Variants in MATK observed in about 807,000 individuals in gnomAD.
The protein encoded by MATK is megakaryocyte-associated tyrosine kinase.
In MATK, 41 loss-of-function variants were observed where a neutral mutation model predicts 59.8. The observed-to-expected ratio is 0.69, with a 90% confidence interval of 0.53 to 0.89. The LOEUF is 0.89. Ranked by LOEUF, MATK falls within the 40% of genes least tolerant of loss-of-function variation. The probability of loss-of-function intolerance (pLI) is 0.00; values close to 1 mark genes in which losing one functional copy is unlikely to be tolerated. For synonymous variants in MATK, 308 were observed against 306.1 expected, an observed-to-expected ratio of 1.01 and a Z score of -0.06; for missense variants, 593 against 719.6, an observed-to-expected ratio of 0.82 and a Z score of 2.01.
At chr19:3,779,507 C>CT (rs1324379685) in intron 10 of MATK, 26 bp downstream of exon 10, 14 of 1,610,562 alleles carry the variant, frequency 8.7e-6, no homozygotes, top group Admixed American at 5.0e-5. Flanking sequence ...TGCGTGGGCC[C>CT]CCTCCCCGCC....
chr19:3,788,105 ATAT>A (rs1338559485), upstream of MATK, among the ~76,000 whole-genome samples: 2 of 130,338 alleles, frequency 1.5e-5, no homozygotes, highest in Non-Finnish European at 3.2e-5. Flanking sequence ...TATTTATATT[ATAT>A]TATATTATAT....
chr19:3,795,391 A>G (rs1472644274), intron 1 of MATK, among the ~76,000 whole-genome samples: 1 of 137,152 alleles, frequency 7.3e-6, no homozygotes, highest in Non-Finnish European at 1.6e-5. Context: ...TCATGTCTCA[A>G]CCTCCCAAGT....
chr19:3,779,316 T>C (rs1599193506), intron 11 of MATK, 62 bp downstream of exon 11: 2 of 1,593,834 alleles, frequency 1.3e-6, no homozygotes, highest in South Asian at 2.2e-5. Flanking sequence ...TTCCCCTTGA[T>C]GGATCTTGGA....
chr19:3,780,547 C>T (rs1599195469), intron 8 of MATK, among the ~76,000 whole-genome samples: 2 of 150,954 alleles, frequency 1.3e-5, no homozygotes, highest in Non-Finnish European at 2.9e-5. Context: ...CTGCCTCAGC[C>T]TCCCAAGTAG....
intron 1 of MATK, among the ~76,000 whole-genome samples, chr19:3,796,246 G>A (rs1599208794): frequency 6.6e-6 from 1 of 152,260 alleles, no homozygotes; most frequent in South Asian, 2.1e-4. Context: ...TTTACTGTGT[G>A]CTGAAGACAA....
In MATK at chr19:3,779,655, A is replaced by ACCC. The variant is rs2066771; in HGVS notation, c.842+40_843-39dup. The ACCC allele has an allele frequency of 1.2e-5, 19 of 1,604,608 alleles. No homozygotes were observed. In the African/African-American group the frequency reaches 2.6e-4, roughly 22 times the overall value. Reference sequence around the variant, plus strand: ...GGGTGGGCGTGAGGGCAGGGCTGGGACCCCCCCCGTCCCACGGTCCCCAGC... The same window carrying ACCC: ...GGGTGGGCGTGAGGGCAGGGCTGGGACCCCCCCCCCCGTCCCACGGTCCCCAGC... On this transcript the variant is annotated intron_variant, in intron 9 of 13. Transcript: ENST00000310132.
At chr19:3,780,960 C>A (rs2037393187) in intron 8 of MATK, among the ~76,000 whole-genome samples, 1 of 150,624 alleles carries the variant, frequency 6.6e-6, no homozygotes, top group African/African-American at 2.4e-5. Flanking sequence ...AACTCCTGAG[C>A]TCAAGGGATC....
In MATK at chr19:3,779,518, T is replaced by TGGGCCCCGCCC. The variant is rs1287992738; in HGVS notation, c.927+4_927+14dup. On this transcript the variant is annotated intron_variant, in intron 10 of 13. Transcript: ENST00000310132. The stretch of plus-strand genomic sequence containing the variant: ...CCGCTGCGTGGGCCCCCTCCCCGCC[T>TGGGCCCCGCCC]GGGCCCCGCCCCACCTTGCTCACGT... 6.2e-7 allele frequency: 1 copy of TGGGCCCCGCCC among 1,610,866 alleles called. No homozygotes were observed. Among genetic ancestry groups the TGGGCCCCGCCC allele is most frequent in the Admixed American group, 1.7e-5 (1 of 59,832 alleles).
chr19:3,784,512 G>A (rs1321212593), intron 3 of MATK, 61 bp from the exon 4 acceptor site: 7 of 1,195,742 alleles, frequency 5.9e-6, no homozygotes, highest in Non-Finnish European at 8.3e-6. Context: ...GGGAGCAGAG[G>A]CACGGGAGGG....
chr19:3,800,796 G>A (rs534100671), intron 1 of MATK, among the ~76,000 whole-genome samples: 2 of 152,178 alleles, frequency 1.3e-5, no homozygotes, highest in Admixed American at 1.3e-4. Flanking sequence ...CAATTCATGA[G>A]TAAAAACATT....
chr19:3,784,883 A>G lies in MATK; in HGVS notation c.74T>C (p.Val25Ala). Residue 25 changes from valine to alanine, a missense_variant and splice_region_variant, in exon 3 of 14, where the codon GTG (valine) becomes GCG (alanine). Coordinates refer to ENST00000310132, the MANE Select transcript of MATK (RefSeq NM_139355.3). ...CCAGGCTCGGAGGAAGCGGGGGCTC[A>G]CCTGGGGAGGGGACAGAGTCCAGGT... ...GCDSAEELPR[V>A]SPRFLRAWHP... is the part of the protein sequence containing the mutation. 6.5e-7 allele frequency: 1 copy of G among 1,529,628 alleles called. No homozygotes were observed. Among genetic ancestry groups the G allele is most frequent in the Non-Finnish European group, 8.9e-7 (1 of 1,126,912 alleles). The allele number at this position is 1,529,628 out of a possible 1,614,324, so 94.8% of individuals were successfully genotyped here.
intron 1 of MATK, among the ~76,000 whole-genome samples, chr19:3,796,125 A>T (rs1191310601): frequency 6.6e-6 from 1 of 152,112 alleles, no homozygotes; most frequent in Non-Finnish European, 1.5e-5. Context: ...AGAAGTGTTT[A>T]AAAAAATAAA....
chr19:3,789,498 A>C, upstream of MATK: 1 of 558,228 alleles, frequency 1.8e-6, no homozygotes, highest in South Asian at 2.3e-5. Flanking sequence ...AGGGGAACCA[A>C]GGTCTTGAGC....
In MATK at chr19:3,783,199, G is replaced by A. The variant is rs758490558; in HGVS notation, c.603C>T (p.Gly201=). 1.4e-5 allele frequency: 23 copies of A among 1,611,522 alleles called. No homozygotes were observed. Among genetic ancestry groups the A allele is most frequent in the East Asian group, 4.5e-5 (2 of 44,744 alleles). Residue 201 remains glycine, a synonymous_variant, in exon 7 of 14, where the codon GGC becomes GGT. Transcript: ENST00000310132. The part of the protein sequence containing the change: ...DMVEHYSKDK[G]AICTKLVRPK... ...GTCTCACCAGCTTGGTGCAGATAGCGCCCTTGTCCTTGCTGTAATGCTGCA... is the reference window on the plus strand; with the variant it reads ...GTCTCACCAGCTTGGTGCAGATAGCACCCTTGTCCTTGCTGTAATGCTGCA...
intron 6 of MATK, 69 bp downstream of exon 6, chr19:3,783,745 T>G: frequency 7.0e-7 from 1 of 1,432,878 alleles, no homozygotes; most frequent in Non-Finnish European, 9.7e-7. Context: ...TATCTCTACG[T>G]AGGGGAGTCT....
chr19:3,794,101 C>T (rs9676784), intron 1 of MATK, among the ~76,000 whole-genome samples: 29 of 151,984 alleles, frequency 1.9e-4, no homozygotes, highest in African/African-American at 6.8e-4. Flanking sequence ...CCAGCTACTT[C>T]TCTGCACTTT....
At chr19:3,800,313 A>T (rs1010189943) in intron 1 of MATK, among the ~76,000 whole-genome samples, 2 of 151,964 alleles carry the variant, frequency 1.3e-5, no homozygotes, top group Admixed American at 6.5e-5. Context: ...ACCCACCCAT[A>T]AACAACAGGG....
chr19:3,799,780 G>T (rs1347657525), intron 1 of MATK, among the ~76,000 whole-genome samples: 1 of 151,890 alleles, frequency 6.6e-6, no homozygotes, highest in African/African-American at 2.4e-5. Context: ...GGCAGAGGTT[G>T]CAGTGAGCTG....
chr19:3,795,198 C>T (rs1038167951), intron 1 of MATK, among the ~76,000 whole-genome samples: 2 of 150,908 alleles, frequency 1.3e-5, no homozygotes, highest in East Asian at 3.9e-4. Flanking sequence ...AGGATGGTCT[C>T]GATCTCCTGA....
Sources: allele counts gnomAD v4.1 joint callset (sites outside exome capture counted in the v4.1 genomes callset), GRCh38; gene constraint gnomAD v4.1.1; transcripts MANE v1.5; gene names NCBI Gene and HGNC (gene_info 2026-07-23, HGNC 2026-07-21).